The following ZNF345 variants were observed in gnomAD, a reference collection of about 807,000 sequenced individuals.
ZNF345 encodes the protein zinc finger protein 345.
For synonymous variants in ZNF345, 166 were observed against 187.9 expected, an observed-to-expected ratio of 0.88 and a Z score of 0.95; for missense variants, 527 against 589.9, an observed-to-expected ratio of 0.89 and a Z score of 1.10.
At chr19:36,882,293 G>C (rs892047996), downstream of ZNF345, among the ~76,000 whole-genome samples, 16 of 151,886 alleles carry the variant, frequency 1.1e-4, no homozygotes, top group African/African-American at 3.6e-4. Flanking sequence ...TCTTGAGATG[G>C]AGTCTCGCTC....
At chr19:36,868,589 T>C (rs1200158995) in intron 2 of ZNF345, among the ~76,000 whole-genome samples, 1 of 152,106 alleles carries the variant, frequency 6.6e-6, no homozygotes, top group Non-Finnish European at 1.5e-5. Context: ...CCATATGATT[T>C]TGGGTACCCA....
chr19:36,873,689 C>CTT (rs34362517), intron 2 of ZNF345, among the ~76,000 whole-genome samples: 1 of 142,702 alleles, frequency 7.0e-6, no homozygotes, highest in Non-Finnish European at 1.5e-5. Flanking sequence ...TATTTCTGTA[C>CTT]TTTTTTTTTT....
At chr19:36,871,584 A>G (rs895130421) in intron 2 of ZNF345, among the ~76,000 whole-genome samples, 12 of 152,076 alleles carry the variant, frequency 7.9e-5, no homozygotes, top group African/African-American at 2.9e-4. Flanking sequence ...ATATTTAGAC[A>G]GCTCCAGTAG....
intron 2 of ZNF345, among the ~76,000 whole-genome samples, chr19:36,865,495 C>G (rs1379639802): frequency 6.6e-6 from 1 of 152,128 alleles, no homozygotes; most frequent in African/African-American, 2.4e-5. Flanking sequence ...GAGTCTCACT[C>G]TGTCACACAT....
At chr19:36,869,198 C>T (rs1371631663) in intron 2 of ZNF345, among the ~76,000 whole-genome samples, 1 of 152,032 alleles carries the variant, frequency 6.6e-6, no homozygotes, top group Non-Finnish European at 1.5e-5. Flanking sequence ...CCCCTCCCCC[C>T]TTCATTTAGT....
intron 1 of ZNF345, chr19:36,851,531 G>A (rs1237640950): frequency 6.6e-6 from 1 of 151,822 alleles, no homozygotes; most frequent in African/African-American, 2.5e-5. Flanking sequence ...ATGTCCCTGC[G>A]GTGTGAGTGA....
intron 3 of ZNF345, among the ~76,000 whole-genome samples, chr19:36,892,663 T>A (rs1239784424): frequency 6.6e-6 from 1 of 152,188 alleles, no homozygotes; most frequent in African/African-American, 2.4e-5. Context: ...GCTGAGGATG[T>A]GGATTCAGAA....
At chr19:36,855,107 TC>T (rs1199241748) in intron 2 of ZNF345, among the ~76,000 whole-genome samples, 1 of 151,570 alleles carries the variant, frequency 6.6e-6, no homozygotes, top group East Asian at 2.0e-4. Context: ...TGCCTCAGCC[TC>T]CCAAAGTGCT....
chr19:36,875,240 A>G (rs1036519908), intron 2 of ZNF345, among the ~76,000 whole-genome samples: 2 of 152,168 alleles, frequency 1.3e-5, no homozygotes, highest in South Asian at 2.1e-4. Context: ...AGAAAAGAGG[A>G]AAAAAGAGCT....
At chr19:36,874,435 A>G (rs1369789576) in intron 2 of ZNF345, among the ~76,000 whole-genome samples, 3 of 149,246 alleles carry the variant, frequency 2.0e-5, no homozygotes, top group Admixed American at 1.3e-4. Flanking sequence ...CAGAGGTTGC[A>G]GTGAGCTGAG....
At chr19:36,860,480 T>C (rs112496319) in intron 2 of ZNF345, among the ~76,000 whole-genome samples, 2,602 of 152,326 alleles carry the variant, frequency 0.017, 84 homozygotes, top group African/African-American at 0.059. Context: ...TAATTATGTC[T>C]CTCTAGTCTT....
At chr19:36,861,143 C>T (rs1228637439) in intron 2 of ZNF345, among the ~76,000 whole-genome samples, 1 of 152,170 alleles carries the variant, frequency 6.6e-6, no homozygotes, top group South Asian at 2.1e-4. Flanking sequence ...CCAGCAGGAA[C>T]CCATTCTGGC....
intron 3 of ZNF345, chr19:36,889,003 A>G (rs985674734): frequency 6.6e-6 from 1 of 152,154 alleles, no homozygotes; most frequent in Non-Finnish European, 1.5e-5. Flanking sequence ...AACTCTTGAC[A>G]TCATGTGATC....
chr19:36,850,424 G>C (rs181486937), upstream of ZNF345: 37 of 152,414 alleles, frequency 2.4e-4, no homozygotes, highest in African/African-American at 7.9e-4. Flanking sequence ...AAAGACTATT[G>C]CAATAGTCAA....
chr19:36,862,948 AG>A (rs1390109149), intron 2 of ZNF345: 8 of 152,226 alleles, frequency 5.3e-5, no homozygotes, highest in African/African-American at 1.7e-4. Flanking sequence ...AGAGATGCCA[AG>A]GATACACACA....
intron 3 of ZNF345, chr19:36,892,773 G>C (rs2073071284): frequency 2.2e-6 from 1 of 464,404 alleles, no homozygotes; most frequent in Non-Finnish European, 3.6e-6. Flanking sequence ...ATATTATAGA[G>C]AGATTCTAAT....
intron 2 of ZNF345, among the ~76,000 whole-genome samples, chr19:36,868,317 A>G (rs375578517): frequency 1.3e-5 from 2 of 152,108 alleles, no homozygotes; most frequent in African/African-American, 2.4e-5. Context: ...TTCACATTTT[A>G]TATTTGCATG....
rs377686659 is a variant in ZNF345, at chr19:36,891,653, A to G, written c.47-1165A>G. 136 of 1,613,234 alleles carry G rather than the reference A, an allele frequency of 8.4e-5. No individual in the cohort carries two copies. Among genetic ancestry groups the G allele is most frequent in the Non-Finnish European group, 1.1e-4 (134 of 1,179,794 alleles). On this transcript the variant is annotated intron_variant, in intron 3 of 3. Coordinates refer to the ZNF345 transcript ENST00000526123. ...GCCTTCCCACATTCATTACATTCATATGGTTTTTCATCTGTATGGATTCTC... is the reference window on the plus strand; with the variant it reads ...GCCTTCCCACATTCATTACATTCATGTGGTTTTTCATCTGTATGGATTCTC...
chr19:36,864,400 A>G (rs571380344), intron 2 of ZNF345, among the ~76,000 whole-genome samples: 8 of 152,228 alleles, frequency 5.3e-5, no homozygotes, highest in African/African-American at 1.7e-4. Context: ...CTGTATTCCT[A>G]GCTACTTGGG....
Sources: gnomAD v4.1 joint callset for allele counts (sites outside exome capture counted in the v4.1 genomes callset) on GRCh38, gnomAD v4.1.1 for gene constraint, MANE v1.5 for transcripts, NCBI Gene and HGNC (gene_info 2026-07-23, HGNC 2026-07-21) for gene names.